NIPBL: variants seen among roughly 807,000 people sequenced by gnomAD.
NIPBL encodes NIPBL cohesin loading factor.
NIPBL carries 19 observed loss-of-function variants against 321.8 expected under a neutral mutation model. The ratio of observed to expected loss-of-function variants is 0.06; its 90% CI spans 0.04 to 0.09. NIPBL has a LOEUF of 0.09. NIPBL is among the 10% of genes least tolerant of loss of function. The pLI, the probability that NIPBL is intolerant of heterozygous loss-of-function variation, is 1.00. For missense variants in NIPBL, 2,210 were observed against 3,327.0 expected (o/e 0.66, Z 8.26); for synonymous variants, 1,106 against 1,114.1 (o/e 0.99, Z 0.14).
chr5:36,982,185 C>G, intron 9 of NIPBL: 6 of 972,198 alleles, frequency 6.2e-6, no homozygotes, highest in Non-Finnish European at 7.3e-6. Context: ...ATTCTGATAG[C>G]TAATCTTATG....
intron 10 of NIPBL, among the ~76,000 whole-genome samples, chr5:36,992,339 T>C (rs1314285475): frequency 6.6e-6 from 1 of 152,206 alleles, no homozygotes; most frequent in Non-Finnish European, 1.5e-5. Context: ...ATCCCTAAAA[T>C]CATCAATCCC....
chr5:36,916,997 G>A (rs1050072168), intron 1 of NIPBL, among the ~76,000 whole-genome samples: 3 of 152,032 alleles, frequency 2.0e-5, no homozygotes, highest in Admixed American at 6.6e-5. Flanking sequence ...ATGATTTATA[G>A]TCCTTTGGGT....
At chr5:36,952,305 G>T (rs1263325044) in intron 1 of NIPBL, among the ~76,000 whole-genome samples, 1 of 152,030 alleles carries the variant, frequency 6.6e-6, no homozygotes, top group Non-Finnish European at 1.5e-5. Context: ...TCTTAAAAGT[G>T]ACTGACTAGC....
intron 1 of NIPBL, among the ~76,000 whole-genome samples, chr5:36,929,043 TCA>T (rs200715409): frequency 0.052 from 7,854 of 152,204 alleles, 279 homozygotes; most frequent in Middle Eastern, 0.082. Flanking sequence ...AATTGCTGGG[TCA>T]TATGATAATT....
intron 1 of NIPBL, among the ~76,000 whole-genome samples, chr5:36,927,528 G>C (rs571501325): frequency 1.1e-4 from 16 of 152,144 alleles, no homozygotes; most frequent in Admixed American, 3.9e-4. Flanking sequence ...GGAAATGGTC[G>C]AATTTTGGAT....
chr5:37,044,672 G>A lies in NIPBL; in HGVS notation c.6286G>A (p.Val2096Ile). The A allele has an allele frequency of 6.2e-7, 1 of 1,613,972 alleles. No homozygotes were observed. The highest frequency in any genetic ancestry group is 8.5e-7 in the Non-Finnish European group (1 of 1,179,918). ...TTGTGTGAGCTGTCTTGGAGCTGTTGTAAATAAAGTGACACAAAATTTTAA... is the reference window on the plus strand; with the variant it reads ...TTGTGTGAGCTGTCTTGGAGCTGTTATAAATAAAGTGACACAAAATTTTAA... ...QHCVSCLGAV[V>I]NKVTQNFKFV... The change falls in exon 36 of 47, where the codon GTA becomes ATA. Residue 2096 changes from valine to isoleucine, a missense_variant. Around this residue, in one of 14 missense-constraint regions of NIPBL, gnomAD observed 73 missense variants for 222.3 expected, o/e 0.33. Coordinates refer to ENST00000282516, the MANE Select transcript of NIPBL (RefSeq NM_133433.4).
intron 1 of NIPBL, among the ~76,000 whole-genome samples, chr5:36,921,785 G>A (rs977747037): frequency 3.3e-5 from 5 of 151,910 alleles, no homozygotes; most frequent in South Asian, 2.1e-4. Context: ...ATTGAGTTTT[G>A]GTAAATCATA....
At chr5:37,018,928 C>A (rs1467109214) in intron 24 of NIPBL, among the ~76,000 whole-genome samples, 3 of 151,886 alleles carry the variant, frequency 2.0e-5, no homozygotes, top group Admixed American at 6.6e-5. Context: ...CATGGTGAAA[C>A]CCTGTCTCTA....
intron 6 of NIPBL, among the ~76,000 whole-genome samples, chr5:36,965,674 T>C (rs1266961046): frequency 6.6e-6 from 1 of 152,158 alleles, no homozygotes; most frequent in Non-Finnish European, 1.5e-5. Flanking sequence ...ATAATTTGAA[T>C]GTTTTTACCA....
intron 34 of NIPBL, among the ~76,000 whole-genome samples, chr5:37,042,308 A>T (rs959044002): frequency 6.6e-6 from 1 of 150,804 alleles, no homozygotes; most frequent in African/African-American, 2.4e-5. Flanking sequence ...GGTGGTGCGC[A>T]CCTATAGTCC....
In NIPBL at chr5:37,007,554, A is replaced by T. The variant is rs1021618301; in HGVS notation, c.4239+80A>T. ...GTATAACCTAGCTCACTCAATAATAAGACCAGCACTATATTATCAAGAATT... is the reference window on the plus strand; with the variant it reads ...GTATAACCTAGCTCACTCAATAATATGACCAGCACTATATTATCAAGAATT... On this transcript the variant is annotated intron_variant, in intron 18 of 46. Coordinates refer to ENST00000282516, the MANE Select transcript of NIPBL (RefSeq NM_133433.4). 3.2e-6 allele frequency: 3 copies of T among 950,348 alleles called. No homozygotes were observed. In the African/African-American group the frequency reaches 4.9e-5, roughly 16 times the overall value. 58.9% of individuals were successfully genotyped at this position (950,348 alleles called of 1,614,324 possible). A position where few individuals can be genotyped will look rare whatever the true frequency, so the allele number is the denominator to read the frequency against.
rs6876156 is a variant in NIPBL, at chr5:37,002,536, T to C, written c.3665-126T>C. ...TCAGGGTTTACTTGAGGTTTATATA[T>C]AGAGGCGTCTTAGGTTATTTGTTTA... On this transcript the variant is annotated intron_variant, in intron 14 of 46. Transcript: ENST00000282516. 0.016 allele frequency: 10,945 copies of C among 696,928 alleles called. 871 individuals are homozygous for C. The African/African-American group carries it at 0.17, about 11-fold the overall frequency. 43.2% of individuals were successfully genotyped at this position (696,928 alleles called of 1,614,324 possible).
chr5:36,974,940 A>G (rs1251642558), intron 8 of NIPBL, among the ~76,000 whole-genome samples: 1 of 152,058 alleles, frequency 6.6e-6, no homozygotes, highest in East Asian at 1.9e-4. Context: ...TTTCTGAAGC[A>G]TATCAATGCA....
At chr5:36,938,458 A>C (rs533723671) in intron 1 of NIPBL, among the ~76,000 whole-genome samples, 2 of 152,272 alleles carry the variant, frequency 1.3e-5, no homozygotes, top group African/African-American at 4.8e-5. Flanking sequence ...GTTAAAGATT[A>C]TGGTAGTTTC....
chr5:36,950,333 C>T (rs985813452), intron 1 of NIPBL, among the ~76,000 whole-genome samples: 1 of 152,028 alleles, frequency 6.6e-6, no homozygotes, highest in African/African-American at 2.4e-5. Context: ...TGTTAACTTT[C>T]TGGATCACTT....
chr5:37,002,410 G>C (rs1457120348), intron 14 of NIPBL, among the ~76,000 whole-genome samples: 6 of 152,190 alleles, frequency 3.9e-5, no homozygotes, highest in Non-Finnish European at 8.8e-5. Context: ...GAATGTGGTT[G>C]AGAAAGAGTC....
intron 22 of NIPBL, among the ~76,000 whole-genome samples, chr5:37,015,601 A>T (rs1748864407): frequency 6.6e-6 from 1 of 152,080 alleles, no homozygotes. Flanking sequence ...ATGGTGGTGC[A>T]CGCCTGTAGT....
chr5:36,978,224 C>G (rs1007126959), intron 9 of NIPBL, among the ~76,000 whole-genome samples: 1 of 152,018 alleles, frequency 6.6e-6, no homozygotes, highest in African/African-American at 2.4e-5. Flanking sequence ...TTCCCACCAA[C>G]AGTGTGTAAG....
In NIPBL at chr5:37,015,948, C is replaced by G. The variant is rs575675769; in HGVS notation, c.4644-90C>G. The G allele has an allele frequency of 4.7e-5, 62 of 1,327,896 alleles. 1 individual carries two copies. In the South Asian group the frequency reaches 7.3e-4, roughly 16 times the overall value. 82.3% of individuals were successfully genotyped at this position (1,327,896 alleles called of 1,614,324 possible). ...GTTACTAAACATAGAAAAAAGAAAA[C>G]TTAGCTAACAATTTCAATCATGTTG... On this transcript the variant is annotated intron_variant, in intron 22 of 46. Transcript: ENST00000282516.
Sources: allele counts gnomAD v4.1 joint callset (sites outside exome capture counted in the v4.1 genomes callset), GRCh38; gene constraint gnomAD v4.1.1; regional missense constraint gnomAD v4.1.1; transcripts MANE v1.5; gene names NCBI Gene and HGNC (gene_info 2026-07-23, HGNC 2026-07-21).